Variants in E2F8 observed in about 807,000 individuals in gnomAD.
The protein encoded by E2F8 is E2F transcription factor 8.
E2F8 carries 35 observed loss-of-function variants against 80.8 expected under a neutral mutation model. That is an observed-to-expected ratio of 0.43 (90% CI 0.33 to 0.57). The LOEUF (loss-of-function observed/expected upper bound fraction) is 0.57. E2F8 is among the 20% of genes least tolerant of loss of function. The probability of loss-of-function intolerance (pLI) is 0.04; values close to 1 mark genes in which losing one functional copy is unlikely to be tolerated. For synonymous variants in E2F8, 386 were observed against 395.0 expected (o/e 0.98, Z 0.27); for missense variants, 975 against 1,056.2 (o/e 0.92, Z 1.07).
At chr11:19,230,442 G>T in intron 8 of E2F8, 114 bp from the exon 9 acceptor site, 4 of 1,227,302 alleles carry the variant, frequency 3.3e-6, no homozygotes, top group Non-Finnish European at 3.4e-6. Context: ...CCTCAAAGTT[G>T]CATAGCGATT....
chr11:19,225,969 C>T lies in E2F8; in HGVS notation c.1894-105G>A, dbSNP rs553284634. 1.1e-4 allele frequency: 148 copies of T among 1,368,082 alleles called. 3 individuals are homozygous for T. The South Asian group carries it at 1.9e-3, about 18-fold the overall frequency. 84.7% of individuals were successfully genotyped at this position (1,368,082 alleles called of 1,614,324 possible). A position where few individuals can be genotyped will look rare whatever the true frequency, so the allele number is the denominator to read the frequency against. ...ATCCCTTGGTGGTTGCCTCATTGGACCAAAGCCTCCAGCGGAGTGGGCTGC... is the reference window on the plus strand; with the variant it reads ...ATCCCTTGGTGGTTGCCTCATTGGATCAAAGCCTCCAGCGGAGTGGGCTGC... On this transcript the variant is annotated intron_variant, in intron 10 of 12. Transcript: ENST00000250024.
At chr11:19,235,680 G>T (rs571258821) in intron 4 of E2F8, among the ~76,000 whole-genome samples, 2 of 149,562 alleles carry the variant, frequency 1.3e-5, no homozygotes, top group Non-Finnish European at 3.0e-5. Flanking sequence ...AAAAAAAAAC[G>T]ATGAGAAAAC....
At chr11:19,237,220 C>T (rs1851541104) in intron 4 of E2F8, 94 bp downstream of exon 4, 1 of 1,218,672 alleles carries the variant, frequency 8.2e-7, no homozygotes. Flanking sequence ...GTGTCATTTA[C>T]AAACACTGGC....
chr11:19,229,093 G>A lies in E2F8; in HGVS notation c.1893+361C>T, dbSNP rs77433760. On this transcript the variant is annotated intron_variant, in intron 10 of 12. Transcript: ENST00000250024. This position sits in a 1 kb window ranked among gnomAD's most constrained non-coding sequence, Gnocchi z 4.3. The stretch of plus-strand genomic sequence containing the variant: ...TTAGGTAATGACTCAGAAAGCAGGA[G>A]TTACAGGAACCCTATGCATCCACAC... Among the ~76,000 whole-genome samples the A allele has an allele frequency of 9.8e-3, 1,492 of 152,318 alleles. 9 individuals are homozygous for A. The highest frequency in any genetic ancestry group is 0.016 in the Non-Finnish European group (1,103 of 68,034).
rs1341156368 is a variant in E2F8 at position 19,229,118 on chromosome 11, C to T, written c.1893+336G>A. 1.3e-5 allele frequency among the ~76,000 whole-genome samples: 2 copies of T among 152,170 alleles called. No individual in the cohort carries two copies. The highest frequency in any genetic ancestry group is 2.1e-4 in the South Asian group (1 of 4,828). ...GTTACAGGAACCCTATGCATCCACA[C>T]GTTCATTTGGGGTTACGTCTGCTTG... On this transcript the variant is annotated intron_variant, in intron 10 of 12. Coordinates refer to ENST00000250024, the MANE Select transcript of E2F8 (RefSeq NM_024680.4). This position sits in a 1 kb window ranked among gnomAD's most constrained non-coding sequence, Gnocchi z 4.3.
chr11:19,225,117 CT>C, intron 12 of E2F8, 103 bp downstream of exon 12: 1 of 1,481,026 alleles, frequency 6.8e-7, no homozygotes, highest in Non-Finnish European at 9.0e-7. Flanking sequence ...CTTTCCCATC[CT>C]TTCCCTCTCC....
chr11:19,227,393 G>C (rs942540502), intron 10 of E2F8, among the ~76,000 whole-genome samples: 5 of 152,080 alleles, frequency 3.3e-5, no homozygotes, highest in Admixed American at 3.3e-4. Flanking sequence ...ATTCTCTCAT[G>C]GTACAAATTA....
intron 7 of E2F8, among the ~76,000 whole-genome samples, chr11:19,231,425 C>T (rs1427540554): frequency 6.6e-6 from 1 of 152,188 alleles, no homozygotes; most frequent in African/African-American, 2.4e-5. Flanking sequence ...CCCATTTCAC[C>T]AAGGAGAAAA....
Position 19,225,532 on chromosome 11 carries a change from G to A in E2F8, c.2110C>T (p.Pro704Ser). Residue 704 changes from proline (P) to serine (S), a missense_variant, in exon 12 of 13, where the codon CCA becomes TCA. Pro to Ser is a moderately conservative substitution (Grantham distance 74). Transcript: ENST00000250024. ...HVTPLKLMVS[P>S]TSVAAVPVGN... The stretch of plus-strand genomic sequence containing the variant: ...ACAGGTACGGCTGCCACGGAAGTTG[G>A]TGAGACCATTAGCTTCAACGGTGTT... The A allele has an allele frequency of 6.2e-7, 1 of 1,614,240 alleles. No individual in the cohort carries two copies.
chr11:19,234,417 C>T lies in E2F8; in HGVS notation c.871G>A (p.Ala291Thr). The stretch of plus-strand genomic sequence containing the variant: ...TGGTCCTCCCCAATTAAAATCTTGG[C>T]AGCAACTTCTAGGCTTACTATCTGA... Reference protein sequence around the residue: ...TPQIVSLEVAAKILIGEDHVE... With the variant: ...TPQIVSLEVATKILIGEDHVE... Residue 291 changes from alanine (A) to threonine (T), a missense_variant, in exon 6 of 13, where the codon GCC becomes ACC. Transcript: ENST00000250024. The T allele has an allele frequency of 6.2e-7, 1 of 1,614,160 alleles. No homozygotes were observed. The highest frequency in any genetic ancestry group is 8.5e-7 in the Non-Finnish European group (1 of 1,180,030).
At position 19,232,262 on chromosome 11, in the gene E2F8, G is replaced by C. The variant is rs148702233; in HGVS notation, c.1038C>G (p.Thr346=). 6.2e-7 allele frequency: 1 copy of C among 1,614,064 alleles called. No homozygotes were observed. ...TGGTATTTGGACTGATTTCTGGGCC[G>C]GTCCATTTGAAAGCTGGTTTTCGGC... ...ERGRKPAFKW[T]GPEISPNTSG... The change falls in exon 7 of 13, where the codon ACC becomes ACG. Residue 346 remains threonine, a synonymous_variant. Transcript: ENST00000250024.
At position 19,224,771 on chromosome 11, in the gene E2F8, T is replaced by A. The variant is rs750692466; in HGVS notation, c.2491A>T (p.Thr831Ser). The change falls in exon 13 of 13, where the codon ACC becomes TCC. Residue 831 changes from threonine (T) to serine (S), a missense_variant. Transcript: ENST00000250024. ...ATGCAGGATGAGCTGGTTGGCTTGG[T>A]GGGTCCACCTGGGGTACGGAAGAAA... ...ESFFRTPGGP[T>S]KPTSSSCMDF... 6.2e-7 allele frequency: 1 copy of A among 1,614,192 alleles called. No homozygotes were observed. Among genetic ancestry groups the A allele is most frequent in the Non-Finnish European group, 8.5e-7 (1 of 1,180,040 alleles).
In E2F8 at chr11:19,238,058, G is replaced by A. The variant is rs758938603; in HGVS notation, c.90C>T (p.Ile30=). 6 of 1,614,042 alleles carry A rather than the reference G, an allele frequency of 3.7e-6. No homozygotes were observed. The highest frequency in any genetic ancestry group is 1.6e-4 in the Middle Eastern group (1 of 6,084). The part of the protein sequence containing the change: ...TPLKESTTAN[I]VLAEIQPDFG... ...AGTCAGGCTGGATCTCTGCCAACAC[G>A]ATATTTGCTGTGGTGGATTCTTTCA... The change falls in exon 3 of 13, where the codon ATC becomes ATT. Residue 30 remains isoleucine (I), a synonymous_variant. Transcript: ENST00000250024.
Position 19,240,185 on chromosome 11 carries a change from C to T in E2F8, c.-64G>A. ...AAATCTGGAGTTCCTCCCCAAATCC[C>T]GATGGTTCAAGTAGTCCAATCAATT... On this transcript the variant is annotated 5_prime_UTR_variant, in exon 2 of 13. Transcript: ENST00000250024. 1 of 1,204,160 alleles carries T rather than the reference C, an allele frequency of 8.3e-7. No individual in the cohort carries two copies. Among genetic ancestry groups the T allele is most frequent in the Non-Finnish European group, 1.1e-6 (1 of 870,972 alleles). The allele number at this position is 1,204,160 out of a possible 1,614,324, so 74.6% of individuals were successfully genotyped here. A position where few individuals can be genotyped will look rare whatever the true frequency, so the allele number is the denominator to read the frequency against.
chr11:19,241,542 G>C (rs2133587817), upstream of E2F8: 1 of 152,724 alleles, frequency 6.5e-6, no homozygotes, highest in South Asian at 2.0e-4. The surrounding 1 kb of genome is among the most constrained non-coding windows in gnomAD (Gnocchi z 4.5). Flanking sequence ...GCCGGAGAGA[G>C]ACGCCGGGAC....
At chr11:19,226,531 A>G (rs1851240937) in intron 10 of E2F8, among the ~76,000 whole-genome samples, 1 of 152,196 alleles carries the variant, frequency 6.6e-6, no homozygotes, top group Admixed American at 6.5e-5. Context: ...TGATTTAGAG[A>G]AAGGGGGCTA....
intron 2 of E2F8, among the ~76,000 whole-genome samples, chr11:19,239,455 T>C (rs1851604585): frequency 6.6e-6 from 1 of 152,172 alleles, no homozygotes; most frequent in Non-Finnish European, 1.5e-5. Flanking sequence ...TGCATGTAAG[T>C]TCACTTTTTT....
chr11:19,229,659 G>C lies in E2F8; in HGVS notation c.1688C>G (p.Thr563Ser). ...TGSKDSTDAT[T>S]EKAANDTSKA... ...TGAGGTATCATTGGCTGCCTTCTCA[G>C]TGGTGGCATCTGTGGAGTCTTTTGA... is the stretch of plus-strand genomic sequence containing the variant. The change falls in exon 10 of 13, where the codon ACT becomes AGT. Residue 563 changes from threonine to serine, a missense_variant. Physicochemically the swap from Thr to Ser is moderately conservative, Grantham distance 58. Coordinates refer to ENST00000250024, the MANE Select transcript of E2F8 (RefSeq NM_024680.4). This position sits in a 1 kb window ranked among gnomAD's most constrained non-coding sequence, Gnocchi z 4.3. 6.2e-7 allele frequency: 1 copy of C among 1,614,216 alleles called. No homozygotes were observed. The highest frequency in any genetic ancestry group is 1.6e-4 in the Middle Eastern group (1 of 6,062).
At chr11:19,227,820 G>A (rs905408752) in intron 10 of E2F8, among the ~76,000 whole-genome samples, 10 of 152,236 alleles carry the variant, frequency 6.6e-5, no homozygotes, top group Non-Finnish European at 1.2e-4. Context: ...GGGCATGACG[G>A]CAAATGCCTG....
Sources: gnomAD v4.1 joint callset for allele counts (sites outside exome capture counted in the v4.1 genomes callset) on GRCh38, gnomAD v4.1.1 for gene constraint, Gnocchi (gnomAD v3.1) non-coding constraint, MANE v1.5 for transcripts, NCBI Gene and HGNC (gene_info 2026-07-23, HGNC 2026-07-21) for gene names.